Variants in SLC25A21 observed in about 807,000 individuals in gnomAD.
The protein encoded by SLC25A21 is mitochondrial 2-oxodicarboxylate carrier.
In SLC25A21, 47 loss-of-function variants were observed where a neutral mutation model predicts 43.8. That is an observed-to-expected ratio of 1.07 (90% CI 0.85 to 1.37). The LOEUF (loss-of-function observed/expected upper bound fraction) is 1.37, where lower values mean the gene tolerates loss of function less well. Among genes scored for constraint, SLC25A21 ranks in the 40% most tolerant of loss-of-function variants. The pLI, the probability that SLC25A21 is intolerant of heterozygous loss-of-function variation, is 0.00. For missense variants in SLC25A21, 352 were observed against 350.2 expected (o/e 1.00, Z -0.04); for synonymous variants, 131 against 121.3 (o/e 1.08, Z -0.52).
At chr14:36,898,645 T>C (rs1224323793) in intron 1 of SLC25A21, among the ~76,000 whole-genome samples, 1 of 152,130 alleles carries the variant, frequency 6.6e-6, no homozygotes, top group Non-Finnish European at 1.5e-5. Context: ...AGCTGTAGAC[T>C]GGAGCTGTTC....
intron 1 of SLC25A21, among the ~76,000 whole-genome samples, chr14:37,005,645 C>G (rs1333021137): frequency 6.6e-6 from 1 of 152,084 alleles, no homozygotes; most frequent in Non-Finnish European, 1.5e-5. Flanking sequence ...AATTTACATT[C>G]CCTTATGGAT....
intron 1 of SLC25A21, among the ~76,000 whole-genome samples, chr14:37,167,660 G>T (rs918378398): frequency 3.3e-5 from 5 of 152,144 alleles, no homozygotes; most frequent in African/African-American, 1.2e-4. Flanking sequence ...ACAAGATTCT[G>T]ACCCTTCCCA....
intron 1 of SLC25A21, among the ~76,000 whole-genome samples, chr14:37,060,242 G>A (rs1012419418): frequency 1.6e-4 from 25 of 151,880 alleles, no homozygotes; most frequent in Admixed American, 7.2e-4. Flanking sequence ...GCCCACACCA[G>A]AATCCGATCA....
intron 1 of SLC25A21, among the ~76,000 whole-genome samples, chr14:36,886,098 C>A (rs1426781475): frequency 6.6e-6 from 1 of 152,150 alleles, no homozygotes; most frequent in Non-Finnish European, 1.5e-5. Context: ...CAACTACAGA[C>A]AGAACTGATA....
intron 7 of SLC25A21, among the ~76,000 whole-genome samples, chr14:36,698,770 C>A (rs746205959): frequency 3.3e-5 from 5 of 152,156 alleles, no homozygotes; most frequent in Non-Finnish European, 7.3e-5. Flanking sequence ...TGCATCAGGT[C>A]ATTTAAGGTC....
chr14:37,008,604 C>T (rs1193506095), intron 1 of SLC25A21, among the ~76,000 whole-genome samples: 2 of 152,130 alleles, frequency 1.3e-5, no homozygotes, highest in Non-Finnish European at 2.9e-5. Flanking sequence ...CTCAATCCAC[C>T]TGTTAGAGAA....
chr14:37,017,439 A>C (rs1466688785), intron 1 of SLC25A21, among the ~76,000 whole-genome samples: 1 of 152,108 alleles, frequency 6.6e-6, no homozygotes, highest in Non-Finnish European at 1.5e-5. Context: ...CTCAAAACCA[A>C]ATACAATAGT....
At chr14:37,014,416 A>G (rs562200301) in intron 1 of SLC25A21, among the ~76,000 whole-genome samples, 8 of 152,198 alleles carry the variant, frequency 5.3e-5, no homozygotes, top group Admixed American at 3.3e-4. Flanking sequence ...ATCTCAAGAA[A>G]CCACTTTCTT....
At chr14:36,729,003 T>C (rs538324128) in intron 5 of SLC25A21, among the ~76,000 whole-genome samples, 7 of 152,342 alleles carry the variant, frequency 4.6e-5, no homozygotes, top group African/African-American at 1.4e-4. Context: ...AGATATGTCA[T>C]TGTAATATCA....
At chr14:36,857,102 T>C (rs1054626443) in intron 2 of SLC25A21, among the ~76,000 whole-genome samples, 3 of 152,250 alleles carry the variant, frequency 2.0e-5, no homozygotes, top group African/African-American at 7.2e-5. Context: ...AGTCCTGTTT[T>C]TATTTTAATG....
chr14:37,030,040 C>A (rs185275881), intron 1 of SLC25A21, among the ~76,000 whole-genome samples: 8 of 152,296 alleles, frequency 5.3e-5, no homozygotes, highest in Admixed American at 2.0e-4. Context: ...GCTGGGATTA[C>A]AGGCGTGAGC....
chr14:36,903,186 T>C (rs1891441007), intron 1 of SLC25A21, among the ~76,000 whole-genome samples: 1 of 152,192 alleles, frequency 6.6e-6, no homozygotes, highest in Non-Finnish European at 1.5e-5. Flanking sequence ...TATCAGTTTA[T>C]GTGAACATTT....
chr14:37,137,777 C>T (rs1284214332), intron 1 of SLC25A21, among the ~76,000 whole-genome samples: 5 of 152,126 alleles, frequency 3.3e-5, no homozygotes, highest in African/African-American at 9.7e-5. Flanking sequence ...TTAATGGAGC[C>T]ATAAGGCATC....
At chr14:36,682,386 C>G (rs1001835921) in intron 9 of SLC25A21, among the ~76,000 whole-genome samples, 2 of 152,080 alleles carry the variant, frequency 1.3e-5, no homozygotes, top group African/African-American at 4.8e-5. Flanking sequence ...TCACAAGAAC[C>G]CTTTTCTTTG....
chr14:37,104,781 T>C (rs1156994444), intron 1 of SLC25A21, among the ~76,000 whole-genome samples: 1 of 152,210 alleles, frequency 6.6e-6, no homozygotes, highest in Non-Finnish European at 1.5e-5. Flanking sequence ...AGGTTTATCC[T>C]AAGCAAAGCT....
intron 3 of SLC25A21, among the ~76,000 whole-genome samples, chr14:36,790,932 A>AT: frequency 6.6e-6 from 1 of 152,284 alleles, no homozygotes; most frequent in Middle Eastern, 3.4e-3. Flanking sequence ...AACGTGGCAT[A>AT]TATCAATTTT....
chr14:36,856,758 G>T (rs1353516757), intron 2 of SLC25A21, among the ~76,000 whole-genome samples: 1 of 152,206 alleles, frequency 6.6e-6, no homozygotes, highest in Non-Finnish European at 1.5e-5. Flanking sequence ...GCAGGAACTG[G>T]GCTTGATTGT....
rs1265195533 is a variant in SLC25A21 at position 36,680,478 on chromosome 14, C to T, written c.*180G>A. The T allele has an allele frequency of 2.5e-6, 3 of 1,224,214 alleles. No homozygotes were observed. Among genetic ancestry groups the T allele is most frequent in the Non-Finnish European group, 3.1e-6 (3 of 979,486 alleles). The allele number at this position is 1,224,214 out of a possible 1,614,324, so 75.8% of individuals were successfully genotyped here. ...TTTTCTTCTCACAGTTTTATTTATA[C>T]AGCCAAAACTATAATCTCAAGTTGC... On this transcript the variant is annotated 3_prime_UTR_variant, in exon 10 of 10. Transcript: ENST00000331299.
chr14:36,870,176 T>C (rs1193799489), intron 2 of SLC25A21, among the ~76,000 whole-genome samples: 1 of 152,108 alleles, frequency 6.6e-6, no homozygotes, highest in African/African-American at 2.4e-5. Flanking sequence ...ATGGGGACAG[T>C]GTGTAATTCT....
Sources: allele counts gnomAD v4.1 joint callset (sites outside exome capture counted in the v4.1 genomes callset), GRCh38; gene constraint gnomAD v4.1.1; transcripts MANE v1.5; gene names NCBI Gene and HGNC (gene_info 2026-07-23, HGNC 2026-07-21).